Variants in KANK1 observed in about 807,000 individuals in gnomAD.
KANK1 encodes the protein KN motif and ankyrin repeat domains 1, also known as KN motif and ankyrin repeat domain-containing protein 1.
A neutral mutation model predicts 106.2 loss-of-function variants in KANK1; 109 were observed. That is an observed-to-expected ratio of 1.03 (90% CI 0.88 to 1.20). KANK1 has a LOEUF of 1.20. Among genes scored for constraint, KANK1 ranks in the 50% most tolerant of loss-of-function variants. The pLI, the probability that KANK1 is intolerant of heterozygous loss-of-function variation, is 0.00. For missense variants in KANK1, 2,399 were observed against 1,710.7 expected, an observed-to-expected ratio of 1.40 and a Z score of -7.10; for synonymous variants, 873 against 652.2, an observed-to-expected ratio of 1.34 and a Z score of -5.16.
chr9:641,255 G>T (rs1470328251), intron 1 of KANK1, among the ~76,000 whole-genome samples: 1 of 152,178 alleles, frequency 6.6e-6, no homozygotes, highest in Non-Finnish European at 1.5e-5. Flanking sequence ...TATGTTTAAG[G>T]ATAGTCTGGA....
At chr9:702,276 A>G (rs1290196121) in intron 2 of KANK1, among the ~76,000 whole-genome samples, 3 of 152,198 alleles carry the variant, frequency 2.0e-5, no homozygotes, top group African/African-American at 7.2e-5. Flanking sequence ...AGTGTTAGTT[A>G]GCAGGCCATC....
In KANK1 at chr9:504,725, C is replaced by G. The variant is rs1424846277; in HGVS notation, c.-113C>G. On this transcript the variant is annotated 5_prime_UTR_variant, in exon 1 of 12. Transcript: ENST00000382297. ...CCGGGTCCGCGGCGGAGCGAGCGAG[C>G]GGCCGGCAGGTTGGGAGGAGCGGCC... is the stretch of plus-strand genomic sequence containing the variant. 7.1e-6 allele frequency: 1 copy of G among 140,612 alleles called. No homozygotes were observed. Among genetic ancestry groups the G allele is most frequent in the Admixed American group, 7.5e-5 (1 of 13,326 alleles). 8.7% of individuals were successfully genotyped at this position (140,612 alleles called of 1,614,324 possible).
intron 1 of KANK1, among the ~76,000 whole-genome samples, chr9:623,810 C>A (rs1271671655): frequency 6.6e-6 from 1 of 151,958 alleles, no homozygotes; most frequent in Non-Finnish European, 1.5e-5. Flanking sequence ...ATTGGTACAG[C>A]CATTATGGAC....
At position 680,157 on chromosome 9, in the gene KANK1, G is replaced by C. The variant is rs562799686; in HGVS notation, c.37+3148G>C. Among the ~76,000 whole-genome samples, 3 of 151,098 alleles carry C rather than the reference G, an allele frequency of 2.0e-5. No individual in the cohort carries two copies. In the East Asian group the frequency reaches 5.8e-4, roughly 29 times the overall value. ...AAAATTGCTGCTTGGGCTTCATAGA[G>C]CATGAGGGGAAATTTCATGTGACGA... On this transcript the variant is annotated intron_variant, in intron 2 of 11. Transcript: ENST00000382297.
chr9:500,086 G>A (rs1448083201), upstream of KANK1, among the ~76,000 whole-genome samples: 1 of 152,198 alleles, frequency 6.6e-6, no homozygotes, highest in East Asian at 1.9e-4. Context: ...GAAACAGAAG[G>A]AAGGGTAGAG....
At chr9:507,130 C>T (rs2058795186) in intron 1 of KANK1, among the ~76,000 whole-genome samples, 1 of 145,608 alleles carries the variant, frequency 6.9e-6, no homozygotes, top group Non-Finnish European at 1.5e-5. Flanking sequence ...CAGCTTATGC[C>T]ATCTTTTTTT....
chr9:558,547 A>G (rs2134302468), intron 1 of KANK1, among the ~76,000 whole-genome samples: 1 of 152,320 alleles, frequency 6.6e-6, no homozygotes, highest in South Asian at 2.1e-4. Context: ...ACTGTATCTC[A>G]TGCCTAAATG....
intron 5 of KANK1, 117 bp from the exon 6 acceptor site, chr9:732,261 A>AACT: frequency 3.2e-6 from 4 of 1,257,432 alleles, no homozygotes; most frequent in Admixed American, 2.2e-5. Flanking sequence ...TAAGTGCAGG[A>AACT]TCTAAAACCA....
At chr9:573,655 C>A (rs953293261) in intron 1 of KANK1, among the ~76,000 whole-genome samples, 2 of 151,988 alleles carry the variant, frequency 1.3e-5, no homozygotes, top group African/African-American at 4.8e-5. Context: ...AAGTAAGTCG[C>A]GGGCATTTTA....
At chr9:553,138 A>G (rs1410274738) in intron 1 of KANK1, among the ~76,000 whole-genome samples, 1 of 152,220 alleles carries the variant, frequency 6.6e-6, no homozygotes, top group South Asian at 2.1e-4. Flanking sequence ...AGACAGCGAG[A>G]CCCTGTCTCA....
intron 1 of KANK1, among the ~76,000 whole-genome samples, chr9:592,862 C>G (rs1169127115): frequency 6.6e-6 from 1 of 151,790 alleles, no homozygotes. Flanking sequence ...GTTTGCTTTT[C>G]TCTCCTTGGG....
At chr9:709,790 TTTTTAG>T (rs1825426508) in intron 2 of KANK1, among the ~76,000 whole-genome samples, 1 of 152,022 alleles carries the variant, frequency 6.6e-6, no homozygotes, top group Non-Finnish European at 1.5e-5. Flanking sequence ...CAATTTTTTA[TTTTTAG>T]TAGGGACGAG....
chr9:605,904 G>A (rs1440725743), intron 1 of KANK1, among the ~76,000 whole-genome samples: 4 of 151,674 alleles, frequency 2.6e-5, no homozygotes, highest in Admixed American at 2.6e-4. Flanking sequence ...ACACCAGATG[G>A]CATTTGAGGG....
At chr9:665,116 G>A (rs189203611) in intron 1 of KANK1, among the ~76,000 whole-genome samples, 2 of 152,144 alleles carry the variant, frequency 1.3e-5, no homozygotes, top group Non-Finnish European at 1.5e-5. Flanking sequence ...TCTATGGGTT[G>A]TTTCTTCACC....
rs138748827 is a variant in KANK1, at chr9:518,366, C to T, written c.-84+13612C>T. Among the ~76,000 whole-genome samples the T allele has an allele frequency of 1.5e-3, 228 of 151,562 alleles. 8 individuals are homozygous for T. Among genetic ancestry groups the T allele is most frequent in the African/African-American group, 3.9e-3 (160 of 40,956 alleles). Reference sequence around the variant, plus strand: ...GCTCCCAGGCTGGGTTGTGTCATCCCGAGCCTCCCCTTCTCCCTCCTTGAC... The same window carrying T: ...GCTCCCAGGCTGGGTTGTGTCATCCTGAGCCTCCCCTTCTCCCTCCTTGAC... On this transcript the variant is annotated intron_variant, in intron 1 of 11. Coordinates refer to ENST00000382297, the MANE Select transcript of KANK1 (RefSeq NM_015158.5).
intron 1 of KANK1, among the ~76,000 whole-genome samples, chr9:619,538 C>G (rs1832647626): frequency 6.6e-6 from 1 of 152,046 alleles, no homozygotes; most frequent in Non-Finnish European, 1.5e-5. Context: ...ATTCATCATT[C>G]TTTTGGAACC....
rs1187305862 is a variant in KANK1, at chr9:711,763, G to A, written c.997G>A (p.Glu333Lys). 6.2e-7 allele frequency: 1 copy of A among 1,614,086 alleles called. No homozygotes were observed. The highest frequency in any genetic ancestry group is 2.2e-5 in the East Asian group (1 of 44,892). ...TAGTGCGGGGAACGCCTCCCAGCTG[G>A]AACAGCTCTCCCGGGCCCGAAGAAG... ...SYSAGNASQLEQLSRARRSGG... is the reference protein window; with the variant it reads ...SYSAGNASQLKQLSRARRSGG... Residue 333 changes from glutamate (E) to lysine (K), a missense_variant, in exon 3 of 12, where the codon GAA becomes AAA. Coordinates refer to ENST00000382297, the MANE Select transcript of KANK1 (RefSeq NM_015158.5).
chr9:524,953 T>C (rs2059716026), intron 1 of KANK1, among the ~76,000 whole-genome samples: 1 of 151,108 alleles, frequency 6.6e-6, no homozygotes, highest in African/African-American at 2.5e-5. Flanking sequence ...CTTTATTGCT[T>C]TGGTTAGTCA....
chr9:579,504 G>A (rs949338293), intron 1 of KANK1, among the ~76,000 whole-genome samples: 11 of 152,074 alleles, frequency 7.2e-5, no homozygotes, highest in South Asian at 2.1e-4. Flanking sequence ...CTGTTGTGTC[G>A]TCCACAGCAT....
Sources: allele counts gnomAD v4.1 joint callset (sites outside exome capture counted in the v4.1 genomes callset), GRCh38; gene constraint gnomAD v4.1.1; transcripts MANE v1.5; gene names NCBI Gene and HGNC (gene_info 2026-07-23, HGNC 2026-07-21).